Variants in RAD52 observed in about 807,000 individuals in gnomAD.
RAD52 encodes the protein RAD52 DNA repair protein.
Under a neutral mutation model 55.5 loss-of-function variants are expected in RAD52, and 47 were observed. That is an observed-to-expected ratio of 0.85 (90% CI 0.67 to 1.08). RAD52 has a LOEUF of 1.08. Ranked by LOEUF, RAD52 falls within the 50% of genes least tolerant of loss-of-function variation. The probability of loss-of-function intolerance (pLI) is 0.00; values close to 1 mark genes in which losing one functional copy is unlikely to be tolerated. For synonymous variants in RAD52, 184 were observed against 198.9 expected (o/e 0.92, Z 0.63); for missense variants, 468 against 522.8 (o/e 0.90, Z 1.02).
In RAD52 at chr12:977,552, C is replaced by T. The variant is rs181344635; in HGVS notation, c.-19+12257G>A. ...TTTCCCCTCCCCTTTGACCAGCTGC[C>T]TGACATTTGCCTGGCAGTCACCTGA... is the stretch of plus-strand genomic sequence containing the variant. On this transcript the variant is annotated intron_variant, in intron 1 of 11. Transcript: ENST00000430095. Among the ~76,000 whole-genome samples, 18 of 152,326 alleles carry T rather than the reference C, an allele frequency of 1.2e-4. No homozygotes were observed. In the East Asian group the frequency reaches 1.5e-3, roughly 13 times the overall value.
intron 1 of RAD52, among the ~76,000 whole-genome samples, chr12:943,243 C>T (rs984760032): frequency 6.6e-6 from 1 of 152,188 alleles, no homozygotes; most frequent in South Asian, 2.1e-4. Context: ...AACCACTCAG[C>T]TGTTAATGCA....
intron 1 of RAD52, among the ~76,000 whole-genome samples, chr12:962,365 G>C (rs1355477061): frequency 6.6e-6 from 1 of 150,674 alleles, no homozygotes; most frequent in Non-Finnish European, 1.5e-5. Context: ...TTTTGAGACG[G>C]AGTCTTGCTC....
chr12:968,259 AAAC>A (rs1319475133), intron 1 of RAD52, among the ~76,000 whole-genome samples: 1 of 152,110 alleles, frequency 6.6e-6, no homozygotes, highest in Non-Finnish European at 1.5e-5. Flanking sequence ...ATCTTAGTAA[AAAC>A]AAAGAGGTTT....
chr12:914,610 C>T (rs546551986), intron 9 of RAD52, 78 bp from the exon 10 acceptor site: 26 of 1,557,118 alleles, frequency 1.7e-5, no homozygotes, highest in South Asian at 3.5e-5. Flanking sequence ...GTCCACTCCC[C>T]TCTTGTTAGA....
At chr12:965,216 G>A (rs1427007071) in intron 1 of RAD52, among the ~76,000 whole-genome samples, 4 of 151,892 alleles carry the variant, frequency 2.6e-5, no homozygotes, top group Non-Finnish European at 5.9e-5. Context: ...CTGACTTGGT[G>A]ATCCGCCCAC....
intron 1 of RAD52, among the ~76,000 whole-genome samples, chr12:956,633 G>A (rs1166258019): frequency 1.3e-5 from 2 of 152,126 alleles, no homozygotes; most frequent in East Asian, 1.9e-4. Flanking sequence ...TGCAACCTCC[G>A]TCTCCCGGGC....
intron 9 of RAD52, 178 bp downstream of exon 9, chr12:916,166 C>T (rs4765816): frequency 1 from 1,350,989 of 1,357,604 alleles, 672,456 homozygotes; most frequent in East Asian, 1. Flanking sequence ...GGAAAATGTA[C>T]AGCAGATTTA....
At chr12:968,092 A>C (rs909126856) in intron 1 of RAD52, among the ~76,000 whole-genome samples, 4 of 152,144 alleles carry the variant, frequency 2.6e-5, no homozygotes, top group African/African-American at 7.3e-5. Context: ...GAGTGTTAGC[A>C]GTGAAAATGA....
intron 1 of RAD52, among the ~76,000 whole-genome samples, chr12:959,863 C>T (rs1592471943): frequency 6.6e-6 from 1 of 152,130 alleles, no homozygotes; most frequent in African/African-American, 2.4e-5. Context: ...TTTACATGGG[C>T]TTTAGTTTGC....
chr12:929,909 GT>G, intron 4 of RAD52, 23 bp from the exon 5 acceptor site: 1 of 1,606,886 alleles, frequency 6.2e-7, no homozygotes, highest in South Asian at 1.1e-5. Flanking sequence ...AAGAGAGCAA[GT>G]TGAAGAGGAC....
chr12:982,900 A>G (rs1170157492), intron 1 of RAD52, among the ~76,000 whole-genome samples: 1 of 151,068 alleles, frequency 6.6e-6, no homozygotes, highest in Non-Finnish European at 1.5e-5. Context: ...AGCAGGCTGG[A>G]GTGCAGTAGC....
chr12:988,332 G>A (rs960042164), intron 1 of RAD52, among the ~76,000 whole-genome samples: 5 of 152,036 alleles, frequency 3.3e-5, no homozygotes, highest in Non-Finnish European at 5.9e-5. Context: ...ATACTAATTA[G>A]GTTTTCCTTT....
chr12:968,914 C>T (rs1391434745), intron 1 of RAD52, among the ~76,000 whole-genome samples: 1 of 152,182 alleles, frequency 6.6e-6, no homozygotes, highest in East Asian at 1.9e-4. Flanking sequence ...AGTATACACA[C>T]ACACACACAG....
chr12:926,553 C>T (rs530927434), intron 6 of RAD52, among the ~76,000 whole-genome samples: 2 of 152,118 alleles, frequency 1.3e-5, no homozygotes, highest in South Asian at 2.1e-4. Flanking sequence ...GGGACTCCTT[C>T]CTTCTCTCTC....
chr12:940,631 A>C (rs149691383), intron 1 of RAD52, among the ~76,000 whole-genome samples: 1,664 of 152,172 alleles, frequency 0.011, 9 homozygotes, highest in Non-Finnish European at 0.017. Flanking sequence ...AAAACAAAAC[A>C]AAACCAAAGA....
At chr12:932,024 T>C (rs970371680) in intron 2 of RAD52, among the ~76,000 whole-genome samples, 3 of 152,194 alleles carry the variant, frequency 2.0e-5, no homozygotes, top group African/African-American at 7.2e-5. Flanking sequence ...ACAATGTCCC[T>C]ACAAGGAATA....
intron 1 of RAD52, among the ~76,000 whole-genome samples, chr12:955,471 C>CT (rs199939772): frequency 9.1e-4 from 125 of 138,114 alleles, no homozygotes; most frequent in Non-Finnish European, 1.1e-3. Context: ...TGTTCTTCTT[C>CT]TTCTTTCTTT....
rs568461872 is a variant in RAD52, at chr12:914,634, G to A, written c.866-102C>T. ...CCTCTTGTTAGAGGGAACACTCTCC[G>A]AAGCACAACACCGCTTAGGGCTGCG... On this transcript the variant is annotated intron_variant, in intron 9 of 11. Transcript: ENST00000358495. 257 of 1,388,566 alleles carry A rather than the reference G, an allele frequency of 1.9e-4. 1 individual carries two copies. The African/African-American group carries it at 2.7e-3, about 14-fold the overall frequency. The allele number at this position is 1,388,566 out of a possible 1,614,324, so 86.0% of individuals were successfully genotyped here.
At chr12:949,142 G>T (rs1958424062) in intron 1 of RAD52, among the ~76,000 whole-genome samples, 1 of 152,068 alleles carries the variant, frequency 6.6e-6, no homozygotes, top group Non-Finnish European at 1.5e-5. Context: ...GCTCACTGCA[G>T]GCTTGACCTC....
Sources: allele counts gnomAD v4.1 joint callset (sites outside exome capture counted in the v4.1 genomes callset), GRCh38; gene constraint gnomAD v4.1.1; transcripts MANE v1.5; gene names NCBI Gene and HGNC (gene_info 2026-07-23, HGNC 2026-07-21).